Variants in LRRC56 observed in about 807,000 individuals in gnomAD.
LRRC56 encodes leucine-rich repeat-containing protein 56.
Under a neutral mutation model 47.8 loss-of-function variants are expected in LRRC56, and 41 were observed. The observed-to-expected ratio is 0.86, with a 90% CI of 0.67 to 1.11. LRRC56 has a LOEUF of 1.11. Among genes scored for constraint, LRRC56 ranks in the 50% most tolerant of loss-of-function variants. The pLI, the probability that LRRC56 is intolerant of heterozygous loss-of-function variation, is 0.00. For missense variants in LRRC56, 759 were observed against 704.2 expected (o/e 1.08, Z -0.88); for synonymous variants, 387 against 311.2 (o/e 1.24, Z -2.56).
In LRRC56 at chr11:541,853, AC is replaced by A; in HGVS notation, c.265+232del. ...CCCCAGCACGCTCAGTACCCCACACACCCACACCAGTACCCCCAGCACGCTC... is the reference window on the plus strand; with the variant it reads ...CCCCAGCACGCTCAGTACCCCACACACCACACCAGTACCCCCAGCACGCTC... On this transcript the variant is annotated intron_variant, in intron 5 of 13. Transcript: ENST00000270115. This position sits in a 1 kb window ranked among gnomAD's most constrained non-coding sequence, Gnocchi z 4.1. Among the ~76,000 whole-genome samples the A allele has an allele frequency of 7.4e-6, 1 of 134,406 alleles. No individual in the cohort carries two copies. Among genetic ancestry groups the A allele is most frequent in the African/African-American group, 2.9e-5 (1 of 35,050 alleles). 88.2% of individuals were successfully genotyped at this position (134,406 alleles called of 152,430 possible).
the LRRC56 span, chr11:532,452 C>G: frequency 1.3e-3 from 1,059 of 834,816 alleles, 6 homozygotes; most frequent in African/African-American, 0.017. Flanking sequence ...TCCTTGCTTC[C>G]GTCCTTCCTT....
intron 6 of LRRC56, among the ~76,000 whole-genome samples, chr11:548,480 C>G (rs1016331870): frequency 8.3e-6 from 1 of 120,496 alleles, no homozygotes; most frequent in Non-Finnish European, 1.8e-5. Context: ...TGTTTGGAGA[C>G]GGAGGCTCGC....
At chr11:536,339 C>T (rs1345989198), upstream of LRRC56, among the ~76,000 whole-genome samples, 1 of 152,278 alleles carries the variant, frequency 6.6e-6, no homozygotes, top group Admixed American at 6.5e-5. Flanking sequence ...ACCGTACCCA[C>T]AAGTTGCCAC....
At chr11:533,443 G>A (rs758029999), upstream of LRRC56, 1 of 1,612,592 alleles carries the variant, frequency 6.2e-7, no homozygotes, top group South Asian at 1.1e-5. Context: ...GGGGTGGAGA[G>A]CTGCCTCACC....
At chr11:514,349 T>G in the LRRC56 span, among the ~76,000 whole-genome samples, 1 of 148,894 alleles carries the variant, frequency 6.7e-6, no homozygotes, top group Non-Finnish European at 1.5e-5. Context: ...TGCAGTGACA[T>G]TATCTCGGCT....
At chr11:507,028 C>T in the LRRC56 span, 1 of 152,270 alleles carries the variant, frequency 6.6e-6, no homozygotes, top group African/African-American at 2.4e-5. Flanking sequence ...CTCAATAGCG[C>T]CAGGCCCGCG....
chr11:518,849 C>A, the LRRC56 span, among the ~76,000 whole-genome samples: 1 of 151,714 alleles, frequency 6.6e-6, no homozygotes. Context: ...CCCGAACGCG[C>A]GAGCGAGGCC....
Position 551,688 on chromosome 11 carries a change from C to T in LRRC56, c.834C>T (p.Pro278=), listed in dbSNP as rs781354927. The T allele has an allele frequency of 8.1e-6, 13 of 1,604,682 alleles. No homozygotes were observed. The South Asian group carries it at 1.1e-4, about 14-fold the overall frequency. The change falls in exon 10 of 14, where the codon CCC becomes CCT. Residue 278 remains proline, a synonymous_variant. Coordinates refer to ENST00000270115, the MANE Select transcript of LRRC56 (RefSeq NM_198075.4). ...PRGAPIRRLD[P]ELSLPETQSR... ...GAGCCCCCATCCGGAGACTTGACCCCGAGCTGTCCCTGCCTGAGACGCAGT... is the reference window on the plus strand; with the variant it reads ...GAGCCCCCATCCGGAGACTTGACCCTGAGCTGTCCCTGCCTGAGACGCAGT...
At position 554,527 on chromosome 11, in the gene LRRC56, A is replaced by G. The variant is rs1589823928; in HGVS notation, c.*251A>G. On this transcript the variant is annotated 3_prime_UTR_variant, in exon 14 of 14. Coordinates refer to ENST00000270115, the MANE Select transcript of LRRC56 (RefSeq NM_198075.4). The stretch of plus-strand genomic sequence containing the variant: ...GGGTCCGGCTCCCCAGCCCTTCCTT[A>G]GGGCCAGGCTTTCCCGCGGGCACGG... The G allele has an allele frequency of 2.8e-6, 1 of 360,884 alleles. No individual in the cohort carries two copies. Among genetic ancestry groups the G allele is most frequent in the Non-Finnish European group, 4.8e-6 (1 of 210,522 alleles). The allele number at this position is 360,884 out of a possible 1,614,324, so 22.4% of individuals were successfully genotyped here.
In LRRC56 at chr11:551,235, G is replaced by A. The variant is rs35537971; in HGVS notation, c.729G>A (p.Pro243=). The A allele has an allele frequency of 0.19, 297,020 of 1,544,318 alleles. 30,301 individuals carry two copies. Among genetic ancestry groups the A allele is most frequent in the Admixed American group, 0.27 (13,423 of 50,636 alleles). The change falls in exon 9 of 14, where the codon CCG becomes CCA. Residue 243 remains proline, a synonymous_variant. Transcript: ENST00000270115. ...PAAHTGPPAP[P]RLSQDWLAVK... is the part of the protein sequence containing the mutation. The stretch of plus-strand genomic sequence containing the variant: ...CACACACAGGCCCACCGGCCCCCCC[G>A]CGGCTGAGCCAGGACTGGCTTGCGG...
At chr11:532,625 C>T (rs1311291461), upstream of LRRC56, 38 of 1,609,598 alleles carry the variant, frequency 2.4e-5, no homozygotes, top group Non-Finnish European at 3.1e-5. Flanking sequence ...TGGGAGTCCC[C>T]CTCACCTGCG....
Position 552,248 on chromosome 11 carries a change from G to C in LRRC56, c.1181+16G>C. On this transcript the variant is annotated intron_variant, in intron 12 of 13. Transcript: ENST00000270115. ...ATGGCGTGCGGTGGGTGTCCCTCCA[G>C]CTCTTCCACTGGGTGTGTCCTGTCC... is the stretch of plus-strand genomic sequence containing the variant. The C allele has an allele frequency of 5.0e-6, 8 of 1,603,756 alleles. No individual in the cohort carries two copies. The highest frequency in any genetic ancestry group is 6.8e-6 in the Non-Finnish European group (8 of 1,173,600).
At chr11:540,887 G>GC (rs1479160926) in intron 4 of LRRC56, 26 bp downstream of exon 4, 1 of 1,506,654 alleles carries the variant, frequency 6.6e-7, no homozygotes. Flanking sequence ...GGGGGCTGTG[G>GC]CCACAGAGGC....
chr11:532,466 CCTCCTTCCGTCTGCACCTCCTTCCTG>C, the LRRC56 span: 1 of 907,034 alleles, frequency 1.1e-6, no homozygotes, highest in Admixed American at 2.3e-5. Flanking sequence ...CTTCCTTCCT[CCTCCTTCCGTCTGCACCTCCTTCCTG>C]CATCCGGCAC....
At chr11:517,879 G>A in the LRRC56 span, among the ~76,000 whole-genome samples, 8 of 152,292 alleles carry the variant, frequency 5.3e-5, no homozygotes, top group East Asian at 1.9e-4. Flanking sequence ...CCCCAACCCC[G>A]TGCTCTCTGA....
the LRRC56 span, among the ~76,000 whole-genome samples, chr11:530,480 T>G: frequency 7.1e-6 from 1 of 141,104 alleles, no homozygotes; most frequent in African/African-American, 2.7e-5. Context: ...AGGGCGAGTG[T>G]GGCGTCCCCT....
At chr11:523,654 C>T in the LRRC56 span, among the ~76,000 whole-genome samples, 9 of 149,816 alleles carry the variant, frequency 6.0e-5, no homozygotes, top group East Asian at 2.0e-4. Flanking sequence ...GTTGGGGGGC[C>T]GGGCGCGGTG....
chr11:549,350 C>T (rs894934236), intron 6 of LRRC56, among the ~76,000 whole-genome samples: 2 of 152,106 alleles, frequency 1.3e-5, no homozygotes, highest in Non-Finnish European at 2.9e-5. Context: ...GGTGAAGTCA[C>T]TGTGGCTACA....
chr11:534,481 C>A (rs1295470179), upstream of LRRC56: 7 of 632,760 alleles, frequency 1.1e-5, no homozygotes, highest in Admixed American at 2.7e-5. Context: ...GGTCCCTGGG[C>A]CCCAACGCCA....
Sources: allele counts gnomAD v4.1 joint callset (sites outside exome capture counted in the v4.1 genomes callset), GRCh38; gene constraint gnomAD v4.1.1; non-coding constraint Gnocchi (gnomAD v3.1); transcripts MANE v1.5; gene names NCBI Gene and HGNC (gene_info 2026-07-23, HGNC 2026-07-21).